Variants in RSPH10B observed in about 807,000 individuals in gnomAD.
RSPH10B encodes radial spoke head 10 homolog B (Chlamydomonas).
Under a neutral mutation model 52.5 loss-of-function variants are expected in RSPH10B, and 7 were observed. The observed-to-expected ratio is 0.13, with a 90% confidence interval of 0.08 to 0.25. The LOEUF (loss-of-function observed/expected upper bound fraction) is 0.25. Ranked by LOEUF, RSPH10B falls within the 10% of genes least tolerant of loss-of-function variation. The pLI is 1.00. For missense variants in RSPH10B, 89 were observed against 542.5 expected (o/e 0.16, Z 8.30); for synonymous variants, 28 against 193.2 (o/e 0.14, Z 7.09).
intron 6 of RSPH10B, 122 bp downstream of exon 8, chr7:5,957,785 G>A (rs1369232030): frequency 1.5e-6 from 2 of 1,376,074 alleles, no homozygotes; most frequent in Non-Finnish European, 9.5e-7. Context: ...GACAGACAGA[G>A]AGAGACTCTG....
At chr7:5,956,553 G>T (rs1239975944) in intron 6 of RSPH10B, among the ~76,000 whole-genome samples, 176 of 84,022 alleles carry the variant, frequency 2.1e-3, no homozygotes, top group Non-Finnish European at 3.2e-3. Context: ...TATTTTAAAT[G>T]TTGGGGTTTA....
At chr7:5,928,896 G>A (rs1487282721) in intron 17 of RSPH10B, among the ~76,000 whole-genome samples, 2 of 148,738 alleles carry the variant, frequency 1.3e-5, no homozygotes, top group Non-Finnish European at 3.0e-5. Context: ...AAAGTGCTGG[G>A]ATTACAGGCA....
rs1562565236 is a variant in RSPH10B, at chr7:5,940,945, T to TA, written c.1759-2117dup. 2.9e-3 allele frequency among the ~76,000 whole-genome samples: 175 copies of TA among 60,020 alleles called. 14 individuals are homozygous for TA. Among genetic ancestry groups the TA allele is most frequent in the African/African-American group, 9.6e-3 (167 of 17,404 alleles). 39.4% of individuals were successfully genotyped at this position (60,020 alleles called of 152,430 possible). On this transcript the variant is annotated intron_variant, in intron 13 of 18. Coordinates refer to ENST00000337579, the Ensembl canonical transcript of RSPH10B. ...TCAAAATAATAATAATAATAATAAT[T>TA]ATTATTATTATTATTATTATTATTA...
intron 17 of RSPH10B, among the ~76,000 whole-genome samples, chr7:5,929,160 T>C (rs2240412): frequency 0.14 from 19,513 of 144,228 alleles, 2,248 homozygotes; most frequent in South Asian, 0.23. Context: ...TACAGGCATG[T>C]ACCACCACAC....
At chr7:5,963,241 A>AT (rs1316418332) in intron 3 of RSPH10B, 2 of 123,888 alleles carry the variant, frequency 1.6e-5, no homozygotes, top group African/African-American at 6.0e-5. Context: ...GAAACCTTAC[A>AT]TGTCAGCCAC....
At chr7:5,954,132 C>T (rs1266618309) in intron 7 of RSPH10B, among the ~76,000 whole-genome samples, 2 of 122,090 alleles carry the variant, frequency 1.6e-5, no homozygotes, top group African/African-American at 3.0e-5. Context: ...CGTGAGCCAT[C>T]GTGCCCCACA....
At chr7:5,968,708 C>T (rs1454922998), upstream of RSPH10B, among the ~76,000 whole-genome samples, 1 of 68,094 alleles carries the variant, frequency 1.5e-5, no homozygotes, top group Non-Finnish European at 3.6e-5. Context: ...CGGGGTTTCA[C>T]CGGGTTAGCC....
At position 5,941,741 on chromosome 7, in the gene RSPH10B, T is replaced by TA. The variant is rs777356713; in HGVS notation, c.1758+1582dup. Among the ~76,000 whole-genome samples, 60 of 128,234 alleles carry TA rather than the reference T, an allele frequency of 4.7e-4. No homozygotes were observed. The Middle Eastern group carries it at 0.012, about 26-fold the overall frequency. The allele number at this position is 128,234 out of a possible 152,430, so 84.1% of individuals were successfully genotyped here. On this transcript the variant is annotated intron_variant, in intron 13 of 18. Transcript: ENST00000337579. The stretch of plus-strand genomic sequence containing the variant: ...CCTGGCAAAAGAGCGAGACTTTGTC[T>TA]AAAAAAAAAAAAGTATCATGGAACA...
At chr7:5,927,025 G>A (rs1232835954) in intron 18 of RSPH10B, among the ~76,000 whole-genome samples, 1 of 20,178 alleles carries the variant, frequency 5.0e-5, no homozygotes, top group African/African-American at 1.7e-4. Context: ...AAAGTTACGT[G>A]TGTGTGTGTG....
intron 11 of RSPH10B, among the ~76,000 whole-genome samples, 193 bp from the exon 14 acceptor site, chr7:5,944,183 G>C (rs1780369808): frequency 6.6e-6 from 1 of 151,072 alleles, no homozygotes; most frequent in Non-Finnish European, 1.5e-5. Context: ...GATCACTCGA[G>C]GTCAGGAGTT....
rs1554284566 is a variant in RSPH10B, at chr7:5,927,070, A to ATATGTGTGTGTGTG, written c.2433-523_2433-522insCACACACACACATA. Among the ~76,000 whole-genome samples, 832 of 108,806 alleles carry ATATGTGTGTGTGTG rather than the reference A, an allele frequency of 7.6e-3. 2 individuals are homozygous for ATATGTGTGTGTGTG. Among genetic ancestry groups the ATATGTGTGTGTGTG allele is most frequent in the Admixed American group, 0.024 (232 of 9,722 alleles). 71.4% of individuals were successfully genotyped at this position (108,806 alleles called of 152,430 possible). On this transcript the variant is annotated intron_variant, in intron 18 of 18. Coordinates refer to ENST00000337579, the Ensembl canonical transcript of RSPH10B. The stretch of plus-strand genomic sequence containing the variant: ...GTATTATGTGTGTGTGTGTGTGTAT[A>ATATGTGTGTGTGTG]TGTGTGTGTGTGTGTGTGTGTGTGT...
At chr7:5,965,820 AAAAAAT>A in intron 1 of RSPH10B, 108 bp from the exon 4 acceptor site, 6 of 274,826 alleles carry the variant, frequency 2.2e-5, no homozygotes, top group East Asian at 1.5e-4. Context: ...GTCAGAAAAA[AAAAAAT>A]ATATATATAT....
intron 17 of RSPH10B, among the ~76,000 whole-genome samples, chr7:5,930,816 C>A (rs1396575053): frequency 3.3e-5 from 1 of 30,708 alleles, no homozygotes; most frequent in African/African-American, 1.3e-4. Context: ...TACACAGCCC[C>A]CCAAGATGCC....
At chr7:5,961,313 C>T (rs1192011040) in intron 3 of RSPH10B, among the ~76,000 whole-genome samples, 1 of 145,210 alleles carries the variant, frequency 6.9e-6, no homozygotes, top group Non-Finnish European at 1.5e-5. Flanking sequence ...CCTAGGAAGA[C>T]CCTGTCTCTA....
chr7:5,927,082 G>GTATATATATATGTGTGTATATATATA (rs1562553449), intron 18 of RSPH10B, among the ~76,000 whole-genome samples: 1 of 123,796 alleles, frequency 8.1e-6, no homozygotes, highest in South Asian at 2.7e-4. Context: ...GTGTGTGTGT[G>GTATATATATATGTGTGTATATATATA]TGTGTGTGTG....
chr7:5,928,634 G>GT (rs869172826), intron 17 of RSPH10B, among the ~76,000 whole-genome samples: 19,166 of 120,256 alleles, frequency 0.16, 1,405 homozygotes, highest in South Asian at 0.24. Flanking sequence ...TTTCTTTTTT[G>GT]TTTTTTTTTT....
At chr7:5,926,723 C>T (rs1449410942) in intron 18 of RSPH10B, among the ~76,000 whole-genome samples, 175 bp from the exon 21 acceptor site, 1 of 140,068 alleles carries the variant, frequency 7.1e-6, no homozygotes, top group East Asian at 2.1e-4. Flanking sequence ...TCGACACAGT[C>T]CAAAATAAAC....
intron 13 of RSPH10B, among the ~76,000 whole-genome samples, chr7:5,942,797 G>A (rs1780264204): frequency 6.6e-6 from 1 of 150,618 alleles, no homozygotes; most frequent in African/African-American, 2.5e-5. Flanking sequence ...AGGAGGTGGA[G>A]GTTGCAGTGA....
At chr7:5,930,997 G>T (rs1779733504) in intron 17 of RSPH10B, among the ~76,000 whole-genome samples, 2 of 99,988 alleles carry the variant, frequency 2.0e-5, no homozygotes, top group Admixed American at 1.0e-4. Flanking sequence ...GCAATGGCAT[G>T]GTCTCAGCTC....
Sources: gnomAD v4.1 joint callset for allele counts (sites outside exome capture counted in the v4.1 genomes callset) on GRCh38, gnomAD v4.1.1 for gene constraint, MANE v1.5 for transcripts, NCBI Gene and HGNC (gene_info 2026-07-23, HGNC 2026-07-21) for gene names.